The following NCK2 variants were observed in gnomAD, a reference collection of about 807,000 sequenced individuals.
The protein encoded by NCK2 is NCK adaptor protein 2, also known as cytoplasmic protein NCK2.
In NCK2, 16 loss-of-function variants were observed where a neutral mutation model predicts 33.9. The observed-to-expected ratio is 0.47, with a 90% confidence interval of 0.32 to 0.72. The LOEUF is 0.72. Ranked by LOEUF, NCK2 falls within the 30% of genes least tolerant of loss-of-function variation. The probability of loss-of-function intolerance (pLI) is 0.03; values close to 1 mark genes in which losing one functional copy is unlikely to be tolerated. For missense variants in NCK2, 418 were observed against 537.3 expected (o/e 0.78, Z 2.19); for synonymous variants, 273 against 239.9 (o/e 1.14, Z -1.27).
chr2:105,807,669 T>C (rs186474845), intron 1 of NCK2, among the ~76,000 whole-genome samples: 1 of 151,876 alleles, frequency 6.6e-6, no homozygotes, highest in Admixed American at 6.5e-5. Flanking sequence ...GTAGTTGTTT[T>C]TTTCAACCTC....
At chr2:105,801,037 A>T (rs1674814790) in intron 1 of NCK2, among the ~76,000 whole-genome samples, 1 of 152,328 alleles carries the variant, frequency 6.6e-6, no homozygotes, top group Middle Eastern at 3.4e-3. Flanking sequence ...GGGAAGAGAT[A>T]CTTAAACAGG....
chr2:105,861,883 C>G (rs556626364), intron 3 of NCK2, among the ~76,000 whole-genome samples: 1 of 151,476 alleles, frequency 6.6e-6, no homozygotes, highest in Non-Finnish European at 1.5e-5. Flanking sequence ...ATCTTAAGAT[C>G]AGACTGGCCT....
At chr2:105,751,031 A>G (rs970896231) in intron 1 of NCK2, among the ~76,000 whole-genome samples, 3 of 152,202 alleles carry the variant, frequency 2.0e-5, no homozygotes, top group Non-Finnish European at 2.9e-5. Flanking sequence ...TTGTTCAGAC[A>G]TAAGGCAGGG....
chr2:105,799,417 G>A (rs1674720672), intron 1 of NCK2, among the ~76,000 whole-genome samples: 1 of 152,084 alleles, frequency 6.6e-6, no homozygotes, highest in South Asian at 2.1e-4. Flanking sequence ...CTTTCAGATG[G>A]CCAACCAGAG....
intron 1 of NCK2, among the ~76,000 whole-genome samples, chr2:105,755,719 C>T (rs567823226): frequency 3.3e-5 from 5 of 151,352 alleles, no homozygotes; most frequent in South Asian, 2.1e-4. Flanking sequence ...CCTATAAATT[C>T]GTGGTTCTCA....
intron 2 of NCK2, among the ~76,000 whole-genome samples, chr2:105,837,576 G>C (rs1037591930): frequency 6.6e-6 from 1 of 152,230 alleles, no homozygotes; most frequent in East Asian, 1.9e-4. Flanking sequence ...CACTGTGCAT[G>C]TCCCTGAGGC....
intron 2 of NCK2, among the ~76,000 whole-genome samples, chr2:105,845,803 G>A (rs188412215): frequency 8.5e-5 from 13 of 152,178 alleles, no homozygotes; most frequent in East Asian, 1.9e-4. Context: ...ACTGTTATCC[G>A]TCTACTTTGG....
rs903395899 is a variant in NCK2 at position 105,819,123 on chromosome 2, G to A, written c.-17+2510G>A. ...GCTCCTGGTCGGCAGTCGGGGGTTG[G>A]CACTCACACTGCATACCTGACTTCA... On this transcript the variant is annotated intron_variant, in intron 2 of 4. Coordinates refer to ENST00000233154, the MANE Select transcript of NCK2 (RefSeq NM_003581.5). 4.6e-5 allele frequency among the ~76,000 whole-genome samples: 7 copies of A among 152,154 alleles called. No individual in the cohort carries two copies. The East Asian group carries it at 1.4e-3, about 29-fold the overall frequency.
chr2:105,855,328 T>C (rs1315435112), intron 3 of NCK2, 39 bp downstream of exon 3: 1 of 1,477,666 alleles, frequency 6.8e-7, no homozygotes. Flanking sequence ...CCTTGTGCAT[T>C]TCAAGGGACA....
At chr2:105,807,007 C>T (rs551865574) in intron 1 of NCK2, among the ~76,000 whole-genome samples, 2 of 152,300 alleles carry the variant, frequency 1.3e-5, no homozygotes, top group Admixed American at 1.3e-4. Context: ...CTATCCCACA[C>T]CCTCATGCTG....
rs1183731607 is a variant in NCK2, at chr2:105,881,701, C to T, written c.600C>T (p.Val200=). 2 of 1,614,050 alleles carry T rather than the reference C, an allele frequency of 1.2e-6. No homozygotes were observed. The highest frequency in any genetic ancestry group is 1.3e-5 in the African/African-American group (1 of 74,952). Reference sequence around the variant, plus strand: ...AGGGCTCCCGCGTGCTGCATGTGGTCCAGACGCTGTACCCCTTCAGCTCAG... The same window carrying T: ...AGGGCTCCCGCGTGCTGCATGTGGTTCAGACGCTGTACCCCTTCAGCTCAG... ...NGQGSRVLHV[V]QTLYPFSSVT... is the part of the protein sequence containing the mutation. The change falls in exon 4 of 5, where the codon GTC becomes GTT. Residue 200 remains valine (V), a synonymous_variant. Transcript: ENST00000233154.
intron 2 of NCK2, among the ~76,000 whole-genome samples, chr2:105,833,775 G>A (rs1676288812): frequency 6.6e-6 from 1 of 151,656 alleles, no homozygotes; most frequent in South Asian, 2.1e-4. Flanking sequence ...CTACTTTTTT[G>A]ATGTGGGCAT....
chr2:105,758,282 G>A (rs1394745817), intron 1 of NCK2, among the ~76,000 whole-genome samples: 1 of 151,970 alleles, frequency 6.6e-6, no homozygotes, highest in Non-Finnish European at 1.5e-5. Context: ...GATTAGTAAT[G>A]AATATTGCAC....
At chr2:105,795,670 C>T (rs558898561) in intron 1 of NCK2, among the ~76,000 whole-genome samples, 1 of 152,306 alleles carries the variant, frequency 6.6e-6, no homozygotes, top group South Asian at 2.1e-4. Context: ...CCAATTTAGG[C>T]AGGGTGTGGA....
At chr2:105,787,443 A>G (rs527637582) in intron 1 of NCK2, among the ~76,000 whole-genome samples, 2 of 152,244 alleles carry the variant, frequency 1.3e-5, no homozygotes, top group East Asian at 3.9e-4. Context: ...GAAAAGAGAC[A>G]GCAGAGAGCT....
rs374321547 is a variant in NCK2, at chr2:105,893,183, C to T, written c.*7C>T. The T allele has an allele frequency of 7.0e-6, 11 of 1,577,450 alleles. No homozygotes were observed. Among genetic ancestry groups the T allele is most frequent in the African/African-American group, 4.0e-5 (3 of 74,162 alleles). ...CGTCAGGGCCCTGCAGTGACGGCGC[C>T]CCGGCCCCACACTCGCCTCCCGGGC... On this transcript the variant is annotated 3_prime_UTR_variant, in exon 5 of 5. Transcript: ENST00000233154.
intron 3 of NCK2, among the ~76,000 whole-genome samples, chr2:105,859,447 A>T (rs1205027454): frequency 6.6e-6 from 1 of 152,142 alleles, no homozygotes; most frequent in African/African-American, 2.4e-5. Flanking sequence ...ACTCCTCAGC[A>T]TTCCTCCCAA....
chr2:105,863,975 G>T (rs541812687), intron 3 of NCK2, among the ~76,000 whole-genome samples: 1 of 146,656 alleles, frequency 6.8e-6, no homozygotes, highest in Non-Finnish European at 1.5e-5. Flanking sequence ...TTGGCGAGGG[G>T]GGGTGGGGTC....
At chr2:105,826,700 T>C (rs1675958191) in intron 2 of NCK2, among the ~76,000 whole-genome samples, 1 of 152,214 alleles carries the variant, frequency 6.6e-6, no homozygotes, top group Admixed American at 6.5e-5. Flanking sequence ...AGTATCCTTC[T>C]CTCTCAATTC....
Sources: gnomAD v4.1 joint callset for allele counts (sites outside exome capture counted in the v4.1 genomes callset) on GRCh38, gnomAD v4.1.1 for gene constraint, MANE v1.5 for transcripts, NCBI Gene and HGNC (gene_info 2026-07-23, HGNC 2026-07-21) for gene names.